Variants in TFB1M observed in about 807,000 individuals in gnomAD.
TFB1M encodes the protein transcription factor B1, mitochondrial.
TFB1M carries 27 observed loss-of-function variants against 31.1 expected under a neutral mutation model. That is an observed-to-expected ratio of 0.87 (90% CI 0.64 to 1.20). The LOEUF (loss-of-function observed/expected upper bound fraction) is 1.20. Ranked by LOEUF, TFB1M falls within the 50% of genes most tolerant of loss-of-function variation. The pLI, the probability that TFB1M is intolerant of heterozygous loss-of-function variation, is 0.00. For synonymous variants in TFB1M, 166 were observed against 151.8 expected, an observed-to-expected ratio of 1.09 and a Z score of -0.69; for missense variants, 394 against 418.7, an observed-to-expected ratio of 0.94 and a Z score of 0.51.
At chr6:155,282,361 T>C (rs1037434543) in intron 5 of TFB1M, among the ~76,000 whole-genome samples, 1 of 152,170 alleles carries the variant, frequency 6.6e-6, no homozygotes, top group African/African-American at 2.4e-5. Context: ...TAAAGCTTGA[T>C]TGAGTTAGTT....
In TFB1M at chr6:155,275,805, A is replaced by G. The variant is rs1309762212; in HGVS notation, c.666+9353T>C. 5.0e-6 allele frequency: 8 copies of G among 1,614,144 alleles called. No homozygotes were observed. The Admixed American group carries it at 8.3e-5, about 17-fold the overall frequency. On this transcript the variant is annotated intron_variant, in intron 5 of 6. Transcript: ENST00000367166. ...GTGCTCACAGCCACTCTGCTGCCCA[A>G]CTGGAAGGTGAATGTGGATGTGGAC... is the stretch of plus-strand genomic sequence containing the variant.
chr6:155,244,738 A>G, the TFB1M span: 2 of 1,614,110 alleles, frequency 1.2e-6, no homozygotes, highest in Non-Finnish European at 1.7e-6. Context: ...ATGGGATTTC[A>G]GCATCATCTG....
Position 155,296,712 on chromosome 6 carries a change from C to T in TFB1M, c.546+241G>A, listed in dbSNP as rs956178016. Among the ~76,000 whole-genome samples, 4 of 152,180 alleles carry T rather than the reference C, an allele frequency of 2.6e-5. No homozygotes were observed. The South Asian group carries it at 6.2e-4, about 24-fold the overall frequency. ...AGTGGCATCGATGGCTGTTGCATCC[C>T]TGTGTTTACCACACTACCTCCTTGG... On this transcript the variant is annotated intron_variant, in intron 4 of 6. Coordinates refer to ENST00000367166, the MANE Select transcript of TFB1M (RefSeq NM_016020.4).
intron 2 of TFB1M, among the ~76,000 whole-genome samples, chr6:155,307,876 C>T (rs1777853571): frequency 6.7e-6 from 1 of 149,180 alleles, no homozygotes; most frequent in African/African-American, 2.5e-5. Flanking sequence ...GCCCGTGGGC[C>T]GTGTGTTGCA....
chr6:155,254,461 T>G (rs761471189), downstream of TFB1M: 2 of 1,614,194 alleles, frequency 1.2e-6, no homozygotes, highest in South Asian at 2.2e-5. Flanking sequence ...TGATTCGTTC[T>G]ATTCTGAGGG....
chr6:155,230,543 T>TTATGACAGTC, the TFB1M span, among the ~76,000 whole-genome samples: 8 of 152,084 alleles, frequency 5.3e-5, no homozygotes, highest in African/African-American at 1.7e-4. Flanking sequence ...CAAGGAGTGA[T>TTATGACAGTC]TTGTTCATCA....
intron 5 of TFB1M, among the ~76,000 whole-genome samples, chr6:155,280,934 CATT>C (rs1785469817): frequency 6.6e-6 from 1 of 152,168 alleles, no homozygotes; most frequent in Admixed American, 6.5e-5. Context: ...ATGGATATAT[CATT>C]AATTCATCTA....
At chr6:155,232,840 C>T in the TFB1M span, 64,747 of 152,016 alleles carry the variant, frequency 0.43, 14,692 homozygotes, top group Middle Eastern at 0.56. Flanking sequence ...CGGATCCTCC[C>T]CCAACATACT....
In TFB1M at chr6:155,256,172, T is replaced by C. The variant is rs1241729290; in HGVS notation, c.*1664A>G. On this transcript the variant is annotated 3_prime_UTR_variant, in exon 7 of 7. Coordinates refer to ENST00000367166, the MANE Select transcript of TFB1M (RefSeq NM_016020.4). Reference sequence around the variant, plus strand: ...CCTAGATTTATTATTACCAATTAACTTTTCAACTTACTCCTTGGCAAAATA... The same window carrying C: ...CCTAGATTTATTATTACCAATTAACCTTTCAACTTACTCCTTGGCAAAATA... 5.7e-6 allele frequency: 3 copies of C among 527,188 alleles called. No individual in the cohort carries two copies. The highest frequency in any genetic ancestry group is 3.9e-5 in the African/African-American group (2 of 50,762). 32.7% of individuals were successfully genotyped at this position (527,188 alleles called of 1,614,324 possible). A position where few individuals can be genotyped will look rare whatever the true frequency, so the allele number is the denominator to read the frequency against.
At position 155,275,970 on chromosome 6, in the gene TFB1M, T is replaced by C. The variant is rs769405928; in HGVS notation, c.666+9188A>G. ...CACGTGCAGGCTGCGAGAGCCACCATGGTCCTGGCGTGTGTTCTGTCTGCT... is the reference window on the plus strand; with the variant it reads ...CACGTGCAGGCTGCGAGAGCCACCACGGTCCTGGCGTGTGTTCTGTCTGCT... On this transcript the variant is annotated intron_variant, in intron 5 of 6. Coordinates refer to ENST00000367166, the MANE Select transcript of TFB1M (RefSeq NM_016020.4). 8.1e-6 allele frequency: 13 copies of C among 1,614,098 alleles called. No individual in the cohort carries two copies. In the South Asian group the frequency reaches 1.1e-4, roughly 14 times the overall value.
chr6:155,234,546 G>A, the TFB1M span, among the ~76,000 whole-genome samples: 1 of 152,216 alleles, frequency 6.6e-6, no homozygotes, highest in Non-Finnish European at 1.5e-5. Context: ...GGGACCATAG[G>A]CGTGTGCCAC....
chr6:155,293,993 C>T (rs181885584), intron 4 of TFB1M, among the ~76,000 whole-genome samples: 1 of 152,218 alleles, frequency 6.6e-6, no homozygotes, highest in East Asian at 1.9e-4. Flanking sequence ...GTAGGGAGCC[C>T]TCTGCTTCCT....
At chr6:155,252,943 T>C (rs1451829098), downstream of TFB1M, 3 of 1,613,810 alleles carry the variant, frequency 1.9e-6, no homozygotes, top group Non-Finnish European at 2.5e-6. Context: ...GCCTTCATGT[T>C]ACAGCCCTCG....
intron 5 of TFB1M, chr6:155,264,232 A>C (rs1268019072): frequency 6.6e-6 from 1 of 152,178 alleles, no homozygotes; most frequent in Non-Finnish European, 1.5e-5. Flanking sequence ...TACCTCCACC[A>C]AGCTAATGAC....
intron 5 of TFB1M, among the ~76,000 whole-genome samples, chr6:155,274,077 C>G (rs1441051630): frequency 6.6e-6 from 1 of 152,034 alleles, no homozygotes; most frequent in Non-Finnish European, 1.5e-5. Flanking sequence ...TATTTCAATC[C>G]TCCCCATTTT....
At chr6:155,236,617 C>T in the TFB1M span, among the ~76,000 whole-genome samples, 11 of 152,082 alleles carry the variant, frequency 7.2e-5, no homozygotes, top group Non-Finnish European at 7.4e-5. Flanking sequence ...GAGCTGAGAT[C>T]GTGCCACTGC....
At chr6:155,288,966 T>C (rs2114752469) in intron 4 of TFB1M, among the ~76,000 whole-genome samples, 1 of 152,326 alleles carries the variant, frequency 6.6e-6, no homozygotes, top group Non-Finnish European at 1.5e-5. Flanking sequence ...AACTAGTTAA[T>C]TTTTCTTTAA....
intron 2 of TFB1M, among the ~76,000 whole-genome samples, chr6:155,300,817 T>C (rs1777394252): frequency 6.6e-6 from 1 of 152,166 alleles, no homozygotes; most frequent in African/African-American, 2.4e-5. Flanking sequence ...TTTTTGTTTG[T>C]TTTTTGAGAT....
chr6:155,241,624 G>A, the TFB1M span, among the ~76,000 whole-genome samples: 4 of 152,130 alleles, frequency 2.6e-5, no homozygotes, highest in Non-Finnish European at 4.4e-5. Context: ...TGTTGATGTC[G>A]CTGTTTTACC....
Sources: gnomAD v4.1 joint callset for allele counts (sites outside exome capture counted in the v4.1 genomes callset) on GRCh38, gnomAD v4.1.1 for gene constraint, MANE v1.5 for transcripts, NCBI Gene and HGNC (gene_info 2026-07-23, HGNC 2026-07-21) for gene names.